Variants in MTDH observed in about 807,000 individuals in gnomAD.
MTDH encodes the protein protein LYRIC.
A neutral mutation model predicts 72.7 loss-of-function variants in MTDH; 34 were observed. The observed-to-expected ratio is 0.47, with a 90% CI of 0.36 to 0.62. MTDH has a LOEUF of 0.62. MTDH is among the 20% of genes least tolerant of loss of function. The pLI, the probability that MTDH is intolerant of heterozygous loss-of-function variation, is 0.00. For missense variants in MTDH, 677 were observed against 699.4 expected (o/e 0.97, Z 0.36); for synonymous variants, 266 against 268.9 (o/e 0.99, Z 0.10).
At chr8:97,660,100 AGTGAGCCGAG>A (rs1445511272) in intron 1 of MTDH, among the ~76,000 whole-genome samples, 1 of 151,916 alleles carries the variant, frequency 6.6e-6, no homozygotes, top group Non-Finnish European at 1.5e-5. Flanking sequence ...CAGAGGTTGC[AGTGAGCCGAG>A]ATCACACCTT....
chr8:97,718,483 TG>T (rs1738330020), intron 9 of MTDH, among the ~76,000 whole-genome samples: 1 of 151,662 alleles, frequency 6.6e-6, no homozygotes, highest in South Asian at 2.1e-4. Context: ...TTAAGTGAAG[TG>T]TTTTTTGTGG....
At chr8:97,704,821 A>G (rs1308901396) in intron 7 of MTDH, among the ~76,000 whole-genome samples, 1 of 152,188 alleles carries the variant, frequency 6.6e-6, no homozygotes, top group Non-Finnish European at 1.5e-5. Flanking sequence ...CAAAAACAAT[A>G]ATAGAGTTCA....
At chr8:97,681,497 T>C (rs929693249) in intron 2 of MTDH, among the ~76,000 whole-genome samples, 6 of 148,686 alleles carry the variant, frequency 4.0e-5, no homozygotes, top group African/African-American at 1.3e-4. Context: ...TTTTCTTTTT[T>C]TTTTTTTTTT....
intron 2 of MTDH, 22 bp downstream of exon 2, chr8:97,661,195 A>G: frequency 6.6e-7 from 1 of 1,524,990 alleles, no homozygotes; most frequent in Non-Finnish European, 9.0e-7. Context: ...AGCATATGAA[A>G]TTGTATGCAA....
chr8:97,713,420 T>C (rs1306018490), intron 8 of MTDH, among the ~76,000 whole-genome samples: 1 of 152,158 alleles, frequency 6.6e-6, no homozygotes, highest in East Asian at 1.9e-4. Flanking sequence ...TTTACACAGC[T>C]CTCTACTTAG....
intron 9 of MTDH, among the ~76,000 whole-genome samples, chr8:97,716,191 A>G (rs1319548765): frequency 6.6e-6 from 1 of 151,638 alleles, no homozygotes; most frequent in Admixed American, 6.6e-5. Context: ...GTTCGAGACC[A>G]ACCTGACCAA....
intron 2 of MTDH, among the ~76,000 whole-genome samples, chr8:97,671,190 C>T (rs545791905): frequency 3.3e-4 from 50 of 152,170 alleles, no homozygotes; most frequent in Admixed American, 1.4e-3. Context: ...TGGTCTTGAG[C>T]TCCTGACCTC....
chr8:97,720,384 C>G (rs934255561), intron 10 of MTDH, among the ~76,000 whole-genome samples: 3 of 152,010 alleles, frequency 2.0e-5, no homozygotes, highest in Non-Finnish European at 4.4e-5. Flanking sequence ...TGAGACCAGC[C>G]TGGGCAACAT....
At chr8:97,684,053 C>T (rs1586241992) in intron 2 of MTDH, among the ~76,000 whole-genome samples, 2 of 148,650 alleles carry the variant, frequency 1.3e-5, no homozygotes, top group African/African-American at 4.9e-5. Context: ...AGGAGAATCG[C>T]TTGAACCCAG....
At chr8:97,683,190 G>A (rs1414360764) in intron 2 of MTDH, among the ~76,000 whole-genome samples, 3 of 146,398 alleles carry the variant, frequency 2.0e-5, no homozygotes, top group Admixed American at 6.9e-5. Context: ...TCAGCCTCCC[G>A]AGTAGCTGGG....
intron 5 of MTDH, among the ~76,000 whole-genome samples, chr8:97,690,710 G>A (rs1317342560): frequency 6.6e-6 from 1 of 152,118 alleles, no homozygotes; most frequent in Non-Finnish European, 1.5e-5. Context: ...CAGAATATGT[G>A]TCATTTTCCT....
At chr8:97,701,867 G>A (rs1477864202) in intron 7 of MTDH, among the ~76,000 whole-genome samples, 2 of 152,126 alleles carry the variant, frequency 1.3e-5, no homozygotes, top group African/African-American at 2.4e-5. Flanking sequence ...TGTATCCACA[G>A]GATTCTATAC....
chr8:97,652,642 CTAAAA>C (rs1811818390), intron 1 of MTDH, among the ~76,000 whole-genome samples: 1 of 152,164 alleles, frequency 6.6e-6, no homozygotes, highest in African/African-American at 2.4e-5. Flanking sequence ...AACAAAGTGA[CTAAAA>C]TAACATCTCA....
At chr8:97,709,323 A>G (rs1465448303) in intron 8 of MTDH, among the ~76,000 whole-genome samples, 2 of 128,324 alleles carry the variant, frequency 1.6e-5, no homozygotes, top group African/African-American at 6.6e-5. Context: ...TGGACCTACA[A>G]AAAGGCTTCT....
At chr8:97,677,560 C>G (rs1812908064) in intron 2 of MTDH, among the ~76,000 whole-genome samples, 1 of 151,708 alleles carries the variant, frequency 6.6e-6, no homozygotes, top group Non-Finnish European at 1.5e-5. Context: ...AGTAAGAACT[C>G]TATCAGCTAC....
intron 9 of MTDH, among the ~76,000 whole-genome samples, chr8:97,718,470 T>C (rs1182075422): frequency 6.6e-6 from 1 of 152,118 alleles, no homozygotes; most frequent in African/African-American, 2.4e-5. Context: ...TTCCTTGAAG[T>C]TGTTAAGTGA....
intron 6 of MTDH, among the ~76,000 whole-genome samples, chr8:97,698,295 G>A (rs1034730356): frequency 7.9e-5 from 12 of 152,114 alleles, no homozygotes; most frequent in Non-Finnish European, 1.2e-4. Context: ...ATTCAGAAGG[G>A]GTGTATGTGT....
At chr8:97,686,259 G>A (rs150954485) in intron 2 of MTDH, among the ~76,000 whole-genome samples, 38 of 152,222 alleles carry the variant, frequency 2.5e-4, no homozygotes, top group Non-Finnish European at 4.9e-4. Context: ...TATTTATGAC[G>A]TAACTTATAT....
chr8:97,658,919 G>A (rs956177041), intron 1 of MTDH, among the ~76,000 whole-genome samples: 8 of 152,134 alleles, frequency 5.3e-5, no homozygotes, highest in Admixed American at 1.3e-4. Context: ...TGAGGCGGGC[G>A]GATCACGAGG....
Sources: allele counts gnomAD v4.1 joint callset (sites outside exome capture counted in the v4.1 genomes callset), GRCh38; gene constraint gnomAD v4.1.1; transcripts MANE v1.5; gene names NCBI Gene and HGNC (gene_info 2026-07-23, HGNC 2026-07-21).